The following PPP2R5C variants were observed in gnomAD, a reference collection of about 807,000 sequenced individuals.
PPP2R5C encodes the protein protein phosphatase 2 regulatory subunit B'gamma.
A neutral mutation model predicts 68.9 loss-of-function variants in PPP2R5C; 7 were observed. The ratio of observed to expected loss-of-function variants is 0.10; its 90% CI spans 0.06 to 0.19. The LOEUF (loss-of-function observed/expected upper bound fraction) is 0.19. PPP2R5C is among the 10% of genes least tolerant of loss of function. PPP2R5C has a pLI of 1.00. For synonymous variants in PPP2R5C, 210 were observed against 222.2 expected, an observed-to-expected ratio of 0.95 and a Z score of 0.49; for missense variants, 348 against 641.3, an observed-to-expected ratio of 0.54 and a Z score of 4.94.
At chr14:101,774,902 A>G (rs1053049685) in intron 2 of PPP2R5C, among the ~76,000 whole-genome samples, 2 of 152,232 alleles carry the variant, frequency 1.3e-5, no homozygotes, top group Admixed American at 6.5e-5. Flanking sequence ...TACTGCAACT[A>G]CTTAACTCTG....
intron 8 of PPP2R5C, among the ~76,000 whole-genome samples, chr14:101,900,410 G>T (rs2045609326): frequency 6.6e-6 from 1 of 152,262 alleles, no homozygotes; most frequent in Non-Finnish European, 1.5e-5. Context: ...AAAACGACCA[G>T]GCGGTCCCGG....
intron 9 of PPP2R5C, among the ~76,000 whole-genome samples, chr14:101,902,467 C>T (rs1049908813): frequency 5.3e-5 from 8 of 152,216 alleles, no homozygotes; most frequent in Non-Finnish European, 1.2e-4. Context: ...CACACCTTCC[C>T]AGCCTGCCTG....
intron 1 of PPP2R5C, chr14:101,843,995 G>T (rs58587983): frequency 0.13 from 19,865 of 155,814 alleles, 1,903 homozygotes; most frequent in African/African-American, 0.27. Context: ...CAGTGTTACC[G>T]TAATCGGACT....
chr14:101,875,223 C>T (rs1016174426), intron 2 of PPP2R5C, among the ~76,000 whole-genome samples: 2 of 152,092 alleles, frequency 1.3e-5, no homozygotes, highest in Admixed American at 6.6e-5. Context: ...GTGGAGGAAG[C>T]GCGAGGTAGA....
chr14:101,883,633 C>T (rs2044297310), intron 5 of PPP2R5C, 71 bp downstream of exon 7: 13 of 1,545,116 alleles, frequency 8.4e-6, no homozygotes, highest in Non-Finnish European at 1.1e-5. Context: ...GCTCCCCTAC[C>T]CCATCGTCTC....
At chr14:101,926,966 C>T (rs1268141986) in exon 14 of PPP2R5C, 1 of 152,040 alleles carries the variant, frequency 6.6e-6, no homozygotes, top group Non-Finnish European at 1.5e-5. Context: ...AGAAACTTGA[C>T]AAGTATCTCT....
chr14:101,894,440 T>C, intron 7 of PPP2R5C, 67 bp from the exon 10 acceptor site: 1 of 1,483,542 alleles, frequency 6.7e-7, no homozygotes, highest in Non-Finnish European at 9.4e-7. Flanking sequence ...TTAACGATGA[T>C]TCTAGAAGAA....
At chr14:101,804,525 A>G (rs2038999206) in intron 3 of PPP2R5C, among the ~76,000 whole-genome samples, 1 of 152,208 alleles carries the variant, frequency 6.6e-6, no homozygotes, top group Non-Finnish European at 1.5e-5. Context: ...ACAATAGAGT[A>G]CTATTCAGCC....
chr14:101,884,461 C>T (rs560645351), intron 5 of PPP2R5C, among the ~76,000 whole-genome samples: 3 of 152,348 alleles, frequency 2.0e-5, no homozygotes, highest in Admixed American at 6.5e-5. Context: ...TCATTCTTCC[C>T]GTGGAGTCTC....
In PPP2R5C at chr14:101,781,669, T is replaced by C. The variant is rs1015207187; in HGVS notation, c.94-4349T>C. ...ATGGGCCCCAGGCCGGGGTCCCGCC[T>C]TTGCCCCGGCCTCCGCTGCCTCGCC... is the stretch of plus-strand genomic sequence containing the variant. On this transcript the variant is annotated intron_variant, in intron 2 of 14. Coordinates refer to the PPP2R5C transcript ENST00000328724. The surrounding 1 kb of genome is among the most constrained non-coding windows in gnomAD (Gnocchi z 6.4). Among the ~76,000 whole-genome samples, 2 of 152,088 alleles carry C rather than the reference T, an allele frequency of 1.3e-5. No individual in the cohort carries two copies. Among genetic ancestry groups the C allele is most frequent in the Non-Finnish European group, 1.5e-5 (1 of 67,990 alleles).
intron 1 of PPP2R5C, among the ~76,000 whole-genome samples, chr14:101,822,671 C>T (rs2040153830): frequency 6.6e-6 from 1 of 152,150 alleles, no homozygotes; most frequent in East Asian, 1.9e-4. Flanking sequence ...TGAAACTGGC[C>T]TTTTGAAGAC....
intron 6 of PPP2R5C, 142 bp downstream of exon 8, chr14:101,890,438 G>A: frequency 1.3e-6 from 1 of 793,644 alleles, no homozygotes; most frequent in Non-Finnish European, 2.0e-6. Context: ...TTCACTGAAA[G>A]CAGGAGTTGG....
exon 14 of PPP2R5C, chr14:101,925,612 A>G (rs1223819405): frequency 5.4e-6 from 1 of 185,916 alleles, no homozygotes; most frequent in African/African-American, 2.3e-5. Context: ...GGATCTTTTA[A>G]CATAGGTGGT....
chr14:101,783,767 C>T (rs113267751), intron 2 of PPP2R5C, among the ~76,000 whole-genome samples: 25 of 152,226 alleles, frequency 1.6e-4, no homozygotes, highest in Admixed American at 4.6e-4. Context: ...AAGGTCCTCG[C>T]TGTGAGTGCT....
At chr14:101,834,958 C>T (rs1187499473) in intron 1 of PPP2R5C, among the ~76,000 whole-genome samples, 4 of 152,194 alleles carry the variant, frequency 2.6e-5, no homozygotes, top group Non-Finnish European at 5.9e-5. Flanking sequence ...CTTTGCTCCA[C>T]CTACTTGGCA....
intron 5 of PPP2R5C, among the ~76,000 whole-genome samples, chr14:101,884,456 C>T (rs955329959): frequency 2.0e-5 from 3 of 152,380 alleles, no homozygotes; most frequent in African/African-American, 4.8e-5. Context: ...TCACCTCATT[C>T]TTCCCGTGGA....
At chr14:101,861,614 C>T (rs1454327690) in intron 2 of PPP2R5C, among the ~76,000 whole-genome samples, 1 of 152,078 alleles carries the variant, frequency 6.6e-6, no homozygotes, top group Non-Finnish European at 1.5e-5. Flanking sequence ...ATTTCATGAC[C>T]CTTGTGCACA....
At chr14:101,924,060 C>A (rs1053340015) in intron 13 of PPP2R5C, among the ~76,000 whole-genome samples, 10 of 152,182 alleles carry the variant, frequency 6.6e-5, no homozygotes, top group Non-Finnish European at 1.0e-4. Flanking sequence ...AAGTTTCTAA[C>A]TAATTGGCAG....
chr14:101,901,620 C>T (rs2045697492), intron 8 of PPP2R5C, 99 bp from the exon 11 acceptor site: 4 of 1,222,006 alleles, frequency 3.3e-6, no homozygotes, highest in Non-Finnish European at 4.8e-6. Flanking sequence ...CGTGTGTTGC[C>T]TTGCAGTGGG....
Sources: allele counts gnomAD v4.1 joint callset (sites outside exome capture counted in the v4.1 genomes callset), GRCh38; gene constraint gnomAD v4.1.1; non-coding constraint Gnocchi (gnomAD v3.1); transcripts MANE v1.5; gene names NCBI Gene and HGNC (gene_info 2026-07-23, HGNC 2026-07-21).